Variants in ESYT1 observed in about 807,000 individuals in gnomAD.
The protein encoded by ESYT1 is extended synaptotagmin 1.
Under a neutral mutation model 154.2 loss-of-function variants are expected in ESYT1, and 116 were observed. The ratio of observed to expected loss-of-function variants is 0.75; its 90% CI spans 0.65 to 0.88. ESYT1 has a LOEUF of 0.88. Ranked by LOEUF, ESYT1 falls within the 40% of genes least tolerant of loss-of-function variation. The probability of loss-of-function intolerance (pLI) is 0.00; values close to 1 mark genes in which losing one functional copy is unlikely to be tolerated. For missense variants in ESYT1, 1,264 were observed against 1,379.3 expected (o/e 0.92, Z 1.32); for synonymous variants, 500 against 539.9 (o/e 0.93, Z 1.02).
At chr12:56,141,726 C>G (rs544118619) in intron 24 of ESYT1, among the ~76,000 whole-genome samples, 1 of 151,568 alleles carries the variant, frequency 6.6e-6, no homozygotes, top group South Asian at 2.1e-4. Flanking sequence ...GGCAACAGAG[C>G]GAGACTCCGT....
At position 56,142,505 on chromosome 12, in the gene ESYT1, G is replaced by A. The variant is rs938336667; in HGVS notation, c.2734-73G>A. On this transcript the variant is annotated intron_variant, in intron 25 of 30. Transcript: ENST00000394048. The surrounding 1 kb of genome is among the most constrained non-coding windows in gnomAD (Gnocchi z 4.1). ...AGGTGAGGGACACCCAGGAGGGTGG[G>A]AACAGAGGGCCGTGTCCTTAGAGTG... The A allele has an allele frequency of 6.2e-7, 1 of 1,610,128 alleles. No individual in the cohort carries two copies. Among genetic ancestry groups the A allele is most frequent in the Middle Eastern group, 1.7e-4 (1 of 6,046 alleles).
At position 56,133,795 on chromosome 12, in the gene ESYT1, T is replaced by C. The variant is rs201163086; in HGVS notation, c.1395T>C (p.Asn465=). 156 of 1,613,982 alleles carry C rather than the reference T, an allele frequency of 9.7e-5. No individual in the cohort carries two copies. Among genetic ancestry groups the C allele is most frequent in the Non-Finnish European group, 1.2e-4 (139 of 1,179,994 alleles). ...AEKLEQVLQW[N]WGVSSRPDPP... ...CCCCTCCCCAGGTTCTACAGTGGAA[T>C]TGGGGAGTCTCCTCTCGACCAGATC... Residue 465 remains asparagine (N), a synonymous_variant, in exon 13 of 31, where the codon AAT becomes AAC. Coordinates refer to ENST00000394048, the MANE Select transcript of ESYT1 (RefSeq NM_015292.3).
At position 56,137,325 on chromosome 12, in the gene ESYT1, C is replaced by T; in HGVS notation, c.1890C>T (p.Ala630=). ...CCCAGAGAGGCAGCAGTGTGGATGC[C>T]CCACCTCGACCCTGTCACACGACTC... ...ENPQRGSSVD[A]PPRPCHTTPD... The change falls in exon 17 of 31, where the codon GCC becomes GCT. Residue 630 remains alanine, a synonymous_variant. Transcript: ENST00000394048. The T allele has an allele frequency of 6.2e-7, 1 of 1,614,164 alleles. No homozygotes were observed. The highest frequency in any genetic ancestry group is 2.2e-5 in the East Asian group (1 of 44,894).
Position 56,136,772 on chromosome 12 carries a change from T to C in ESYT1, c.1661T>C (p.Leu554Ser). 3 of 1,611,924 alleles carry C rather than the reference T, an allele frequency of 1.9e-6. No individual in the cohort carries two copies. The highest frequency in any genetic ancestry group is 2.5e-6 in the Non-Finnish European group (3 of 1,178,626). Residue 554 changes from leucine to serine, a missense_variant, in exon 16 of 31, where the codon TTA (leucine) becomes TCA (serine). By Grantham distance (145) the Leu-to-Ser change is moderately radical. Transcript: ENST00000394048. ...QVKDDSRALT[L>S]GALTLPLARL... Reference sequence around the variant, plus strand: ...AAGGATGATTCCAGGGCCCTGACTTTAGGAGCACTGACGCTGCCTCTGGCC... The same window carrying C: ...AAGGATGATTCCAGGGCCCTGACTTCAGGAGCACTGACGCTGCCTCTGGCC...
Position 56,128,268 on chromosome 12 carries a change from G to A in ESYT1, c.-52G>A. On this transcript the variant is annotated 5_prime_UTR_variant, in exon 1 of 31. Coordinates refer to ENST00000394048, the MANE Select transcript of ESYT1 (RefSeq NM_015292.3). ...CCTGGGGGAGCTGATCGCAAGACTA[G>A]GCAACCTCCAGCCAGTCCCTGGGTC... 1.3e-6 allele frequency: 2 copies of A among 1,546,982 alleles called. No homozygotes were observed. The highest frequency in any genetic ancestry group is 1.7e-6 in the Non-Finnish European group (2 of 1,155,328).
Position 56,138,174 on chromosome 12 carries a change from C to A in ESYT1, c.2248-9C>A. On this transcript the variant is annotated splice_polypyrimidine_tract_variant and intron_variant, in intron 20 of 30. Transcript: ENST00000394048. ...TATCCCCAAGTCTTCACCCTGCCTACTTCCACAGTGGCTGACCCTGGAGGA... is the reference window on the plus strand; with the variant it reads ...TATCCCCAAGTCTTCACCCTGCCTAATTCCACAGTGGCTGACCCTGGAGGA... 6.2e-7 allele frequency: 1 copy of A among 1,614,200 alleles called. No homozygotes were observed. The highest frequency in any genetic ancestry group is 8.5e-7 in the Non-Finnish European group (1 of 1,179,998).
chr12:56,132,473 A>AAT lies in ESYT1; in HGVS notation c.1040_1041dup (p.Val348MetfsTer2). On this transcript the variant is annotated frameshift_variant, in exon 9 of 31. Transcript: ENST00000394048. LOFTEE classifies it high-confidence loss of function. ...GCTCGAGGGCTGAGTTCCAAGGACA[A>AAT]ATATGTGAAGGGCCTGATTGAGGGC... The AAT allele has an allele frequency of 6.2e-7, 1 of 1,614,178 alleles. No homozygotes were observed. The highest frequency in any genetic ancestry group is 8.5e-7 in the Non-Finnish European group (1 of 1,180,030).
At chr12:56,134,017 C>T in intron 13 of ESYT1, 93 bp from the exon 14 acceptor site, 1 of 1,562,122 alleles carries the variant, frequency 6.4e-7, no homozygotes, top group Non-Finnish European at 8.8e-7. Context: ...AGATCCATCT[C>T]AGGGAAAGGA....
Position 56,137,928 on chromosome 12 carries a change from A to C in ESYT1, c.2198+14A>C, listed in dbSNP as rs375713476. On this transcript the variant is annotated intron_variant, in intron 19 of 30. Transcript: ENST00000394048. ...TTTTCTGGGCAGGTGAGAGCATAGGAGTCTACGTGAAAAACAGGCTGGGGC... is the reference window on the plus strand; with the variant it reads ...TTTTCTGGGCAGGTGAGAGCATAGGCGTCTACGTGAAAAACAGGCTGGGGC... 2 of 1,613,978 alleles carry C rather than the reference A, an allele frequency of 1.2e-6. No individual in the cohort carries two copies. Among genetic ancestry groups the C allele is most frequent in the African/African-American group, 1.3e-5 (1 of 74,922 alleles).
chr12:56,138,645 A>C, intron 22 of ESYT1, 123 bp from the exon 23 acceptor site: 1 of 1,287,644 alleles, frequency 7.8e-7, no homozygotes, highest in Non-Finnish European at 1.1e-6. Context: ...TGTCTGTTCA[A>C]GGCCACGGGT....
At chr12:56,134,314 A>ACCCTTAATCCCT (rs1264945440) in intron 14 of ESYT1, 28 bp from the exon 15 acceptor site, 1 of 1,610,378 alleles carries the variant, frequency 6.2e-7, no homozygotes, top group East Asian at 2.2e-5. Context: ...TGTGGTATAC[A>ACCCTTAATCCCT]CCCTTAATCC....
Position 56,134,444 on chromosome 12 carries a change from C to T in ESYT1, c.1632+16C>T, listed in dbSNP as rs1410742386. 9.9e-6 allele frequency: 16 copies of T among 1,608,354 alleles called. No individual in the cohort carries two copies. On this transcript the variant is annotated intron_variant, in intron 15 of 30. Transcript: ENST00000394048. ...CGATGTGCAAGTGAGATAATCACCT[C>T]TTCATCCCCTCCCGAATACCCTATT...
chr12:56,138,765 T>C lies in ESYT1; in HGVS notation c.2434-3T>C, dbSNP rs1361331443. 3 of 1,614,010 alleles carry C rather than the reference T, an allele frequency of 1.9e-6. No individual in the cohort carries two copies. The highest frequency in any genetic ancestry group is 1.3e-5 in the African/African-American group (1 of 74,940). On this transcript the variant is annotated splice_region_variant and splice_polypyrimidine_tract_variant and intron_variant, in intron 22 of 30. Transcript: ENST00000394048. ...TAAGACTAACACAGTATTGTCTTTC[T>C]AGCTGCGAAAAGGCACCAAGCACCT...
In ESYT1 at chr12:56,128,494, G is replaced by A. The variant is rs1308182203; in HGVS notation, c.175G>A (p.Gly59Arg). The A allele has an allele frequency of 6.2e-7, 1 of 1,611,364 alleles. No individual in the cohort carries two copies. Residue 59 changes from glycine to arginine, a missense_variant, in exon 1 of 31, where the codon GGG becomes AGG. Gly to Arg is a moderately radical substitution (Grantham distance 125). Coordinates refer to ENST00000394048, the MANE Select transcript of ESYT1 (RefSeq NM_015292.3). ...GEALAVLTSF[G>R]RRLLVLIPVY... ...GGCCCTGGCGGTGCTGACTTCATTC[G>A]GGAGGCGGTTGCTGGTGCTGATACC...
Position 56,131,562 on chromosome 12 carries a change from G to A in ESYT1, c.800G>A (p.Arg267His), listed in dbSNP as rs1870237039. The A allele has an allele frequency of 8.1e-6, 13 of 1,613,892 alleles. No homozygotes were observed. Among genetic ancestry groups the A allele is most frequent in the East Asian group, 4.5e-5 (2 of 44,894 alleles). Reference protein sequence around the residue: ...VGAVSMFFIRRPTLDINWTGM... With the variant: ...VGAVSMFFIRHPTLDINWTGM... The stretch of plus-strand genomic sequence containing the variant: ...GCTGTGTCAATGTTCTTCATCCGAC[G>A]CCCGGTAAGGGAAAACAATGAAGGG... Residue 267 changes from arginine to histidine, a missense_variant, in exon 6 of 31, where the codon CGC becomes CAC. By Grantham distance (29) the Arg-to-His change is conservative. Coordinates refer to ENST00000394048, the MANE Select transcript of ESYT1 (RefSeq NM_015292.3).
intron 24 of ESYT1, among the ~76,000 whole-genome samples, chr12:56,141,629 A>G (rs1313692063): frequency 1.3e-5 from 2 of 152,210 alleles, no homozygotes; most frequent in East Asian, 3.8e-4. Context: ...AGTCCCAGCT[A>G]CTTGGGAGGC....
intron 19 of ESYT1, 25 bp from the exon 20 acceptor site, chr12:56,138,001 T>C: frequency 6.2e-7 from 1 of 1,614,132 alleles, no homozygotes; most frequent in Non-Finnish European, 8.5e-7. Flanking sequence ...CATCTAGCTT[T>C]TGTCTTAATC....
In ESYT1 at chr12:56,141,727, G is replaced by A. The variant is rs772959798; in HGVS notation, c.2593-558G>A. ...TGCACTCCAGCCTGGGCAACAGAGC[G>A]AGACTCCGTCTCAAAAATAATAATA... On this transcript the variant is annotated intron_variant, in intron 24 of 30. Transcript: ENST00000394048. Among the ~76,000 whole-genome samples the A allele has an allele frequency of 1.1e-4, 17 of 151,832 alleles. No homozygotes were observed. In the East Asian group the frequency reaches 1.5e-3, roughly 14 times the overall value.
At position 56,132,322 on chromosome 12, in the gene ESYT1, C is replaced by A. The variant is rs1462845315; in HGVS notation, c.974C>A (p.Pro325His). The A allele has an allele frequency of 6.2e-7, 1 of 1,614,054 alleles. No homozygotes were observed. The highest frequency in any genetic ancestry group is 1.3e-5 in the African/African-American group (1 of 74,908). Residue 325 changes from proline (P) to histidine (H), a missense_variant, in exon 8 of 31, where the codon CCT becomes CAT. Coordinates refer to ENST00000394048, the MANE Select transcript of ESYT1 (RefSeq NM_015292.3). ...CAAGATGTGGCTCAGTTGCGTTCCC[C>A]TCTGCCCAGGGTATGGCCTTTCCCC... is the stretch of plus-strand genomic sequence containing the variant. ...DLQDVAQLRS[P>H]LPRGIIRIHL... is the part of the protein sequence containing the mutation.
Sources: allele counts gnomAD v4.1 joint callset (sites outside exome capture counted in the v4.1 genomes callset), GRCh38; gene constraint gnomAD v4.1.1; non-coding constraint Gnocchi (gnomAD v3.1); transcripts MANE v1.5; gene names NCBI Gene and HGNC (gene_info 2026-07-23, HGNC 2026-07-21).